Variants in MARCHF1 observed in about 807,000 individuals in gnomAD.
The protein encoded by MARCHF1 is E3 ubiquitin-protein ligase MARCHF1.
A neutral mutation model predicts 54.2 loss-of-function variants in MARCHF1; 40 were observed. That is an observed-to-expected ratio of 0.74 (90% CI 0.57 to 0.96). MARCHF1 has a LOEUF of 0.96. Ranked by LOEUF, MARCHF1 falls within the 40% of genes least tolerant of loss-of-function variation. MARCHF1 has a pLI of 0.00. For missense variants in MARCHF1, 586 were observed against 656.5 expected (o/e 0.89, Z 1.17); for synonymous variants, 236 against 236.3 (o/e 1.00, Z 0.01).
At chr4:164,037,757 C>T (rs1270974333) in intron 2 of MARCHF1, among the ~76,000 whole-genome samples, 3 of 152,146 alleles carry the variant, frequency 2.0e-5, no homozygotes, top group African/African-American at 7.2e-5. Context: ...AGGTCAACAT[C>T]AACAGTGATA....
intron 1 of MARCHF1, among the ~76,000 whole-genome samples, chr4:164,276,967 GAC>G (rs771288495): frequency 0.44 from 54,354 of 124,730 alleles, 11,981 homozygotes; most frequent in Middle Eastern, 0.55. Flanking sequence ...GAGAGAGAGA[GAC>G]AGAGAGAGAG....
intron 1 of MARCHF1, among the ~76,000 whole-genome samples, chr4:164,334,149 A>G (rs1423634787): frequency 1.3e-5 from 2 of 152,240 alleles, no homozygotes; most frequent in Non-Finnish European, 2.9e-5. Flanking sequence ...AAGCTGCAGC[A>G]GGTAATCCAG....
At chr4:163,972,056 G>T (rs892050748) in intron 3 of MARCHF1, among the ~76,000 whole-genome samples, 6 of 152,158 alleles carry the variant, frequency 3.9e-5, no homozygotes, top group Non-Finnish European at 8.8e-5. Context: ...CAGGGACTTG[G>T]ATGAAGCTGG....
At chr4:163,928,838 A>C (rs1243448759) in intron 3 of MARCHF1, among the ~76,000 whole-genome samples, 1 of 151,838 alleles carries the variant, frequency 6.6e-6, no homozygotes, top group Non-Finnish European at 1.5e-5. Context: ...ACCACAATGA[A>C]ATTAAAATAT....
intron 1 of MARCHF1, among the ~76,000 whole-genome samples, chr4:164,209,379 G>A (rs1447548589): frequency 6.6e-6 from 1 of 152,126 alleles, no homozygotes; most frequent in East Asian, 1.9e-4. Flanking sequence ...TCCCAGGGAG[G>A]TTCTTATGGC....
chr4:163,712,157 GT>G (rs764917449), intron 4 of MARCHF1, among the ~76,000 whole-genome samples: 14 of 152,060 alleles, frequency 9.2e-5, no homozygotes, highest in Non-Finnish European at 1.6e-4. Flanking sequence ...ATGGTGGAAT[GT>G]TTTCATTAGT....
In MARCHF1 at chr4:163,613,301, G is replaced by C; in HGVS notation, c.242+13C>G. ...CAAAGAATATAGATTAAGATAATTTGTTCAGCACTTACCTGCAGATGTCCT... is the reference window on the plus strand; with the variant it reads ...CAAAGAATATAGATTAAGATAATTTCTTCAGCACTTACCTGCAGATGTCCT... On this transcript the variant is annotated intron_variant, in intron 6 of 9. Transcript: ENST00000514618. 6.3e-7 allele frequency: 1 copy of C among 1,598,808 alleles called. No individual in the cohort carries two copies. Among genetic ancestry groups the C allele is most frequent in the Non-Finnish European group, 8.5e-7 (1 of 1,174,440 alleles).
At chr4:163,712,855 T>C (rs1338495034) in intron 4 of MARCHF1, among the ~76,000 whole-genome samples, 1 of 152,162 alleles carries the variant, frequency 6.6e-6, no homozygotes, top group Non-Finnish European at 1.5e-5. Flanking sequence ...TATAATAATA[T>C]TGGCCTACCA....
At chr4:163,629,316 C>T (rs1299147006) in intron 5 of MARCHF1, among the ~76,000 whole-genome samples, 2 of 152,130 alleles carry the variant, frequency 1.3e-5, no homozygotes, top group Non-Finnish European at 2.9e-5. Context: ...AAAGGGGTCC[C>T]TATGTAATAA....
intron 3 of MARCHF1, among the ~76,000 whole-genome samples, chr4:163,866,559 A>C (rs946898729): frequency 6.8e-6 from 1 of 148,078 alleles, no homozygotes; most frequent in Non-Finnish European, 1.5e-5. Context: ...CAATTATACA[A>C]AAGTAGGTAA....
intron 1 of MARCHF1, among the ~76,000 whole-genome samples, chr4:164,327,523 A>T (rs1446497983): frequency 6.6e-6 from 1 of 152,138 alleles, no homozygotes; most frequent in African/African-American, 2.4e-5. Context: ...AGAGGAAAAA[A>T]ATAGTATGCT....
chr4:163,812,827 T>G (rs1579306537), intron 4 of MARCHF1, among the ~76,000 whole-genome samples: 1 of 152,038 alleles, frequency 6.6e-6, no homozygotes, highest in African/African-American at 2.4e-5. Flanking sequence ...GCTTTGGAAG[T>G]CAAAATTTTT....
intron 3 of MARCHF1, among the ~76,000 whole-genome samples, chr4:163,959,087 C>G (rs563950053): frequency 6.6e-6 from 1 of 151,988 alleles, no homozygotes; most frequent in South Asian, 2.1e-4. Flanking sequence ...ATCTGTTCCC[C>G]AGGTTGATCT....
chr4:163,585,046 G>C (rs139329247), intron 8 of MARCHF1: 9 of 152,024 alleles, frequency 5.9e-5, no homozygotes. Context: ...GCTGTTCTTC[G>C]GTGGCTTTGA....
intron 3 of MARCHF1, among the ~76,000 whole-genome samples, chr4:163,905,143 G>A (rs1217483164): frequency 6.6e-6 from 1 of 151,994 alleles, no homozygotes; most frequent in Admixed American, 6.6e-5. Context: ...CATTAGAGGA[G>A]GCAGGTGTTT....
At chr4:163,983,951 A>G (rs1752810328) in intron 3 of MARCHF1, among the ~76,000 whole-genome samples, 1 of 118,946 alleles carries the variant, frequency 8.4e-6, no homozygotes, top group Non-Finnish European at 2.0e-5. Context: ...TTTACTAAAA[A>G]TTTTTACTAA....
chr4:164,008,843 G>A (rs1399478592), intron 2 of MARCHF1, among the ~76,000 whole-genome samples: 1 of 151,784 alleles, frequency 6.6e-6, no homozygotes, highest in Non-Finnish European at 1.5e-5. Flanking sequence ...AGTAAGAAGA[G>A]AGATTATAGC....
chr4:164,294,123 T>C (rs940347278), intron 1 of MARCHF1, among the ~76,000 whole-genome samples: 3 of 152,232 alleles, frequency 2.0e-5, no homozygotes, highest in African/African-American at 4.8e-5. Context: ...GCTTTTGGAC[T>C]CTTGGACTTA....
chr4:164,084,237 A>G (rs1015104061), intron 2 of MARCHF1, among the ~76,000 whole-genome samples: 1 of 151,976 alleles, frequency 6.6e-6, no homozygotes, highest in Non-Finnish European at 1.5e-5. Flanking sequence ...TCTCTTAAGA[A>G]TGATGAATTT....
Sources: allele counts gnomAD v4.1 joint callset (sites outside exome capture counted in the v4.1 genomes callset), GRCh38; gene constraint gnomAD v4.1.1; transcripts MANE v1.5; gene names NCBI Gene and HGNC (gene_info 2026-07-23, HGNC 2026-07-21).